The following MTREX variants were observed in gnomAD, a reference collection of about 807,000 sequenced individuals.
MTREX encodes Mtr4 exosome RNA helicase, also known as exosome RNA helicase MTR4.
Under a neutral mutation model 135.4 loss-of-function variants are expected in MTREX, and 76 were observed. The ratio of observed to expected loss-of-function variants is 0.56; its 90% CI spans 0.47 to 0.68. The LOEUF is 0.68. Among genes scored for constraint, MTREX ranks in the 30% least tolerant of loss-of-function variants. The pLI is 0.00. For synonymous variants in MTREX, 404 were observed against 401.6 expected (o/e 1.01, Z -0.07); for missense variants, 920 against 1,262.1 (o/e 0.73, Z 4.11).
chr5:55,311,947 A>C (rs981079796), intron 1 of MTREX, among the ~76,000 whole-genome samples: 1 of 152,168 alleles, frequency 6.6e-6, no homozygotes, highest in African/African-American at 2.4e-5. Flanking sequence ...GCTCTGATCT[A>C]GTGGCTTGAT....
chr5:55,398,617 T>A (rs898142873), intron 20 of MTREX, among the ~76,000 whole-genome samples: 7 of 152,248 alleles, frequency 4.6e-5, no homozygotes, highest in Admixed American at 1.3e-4. Context: ...CATTAATCAT[T>A]ATTAACTTAG....
At chr5:55,386,060 A>T (rs184865426) in intron 18 of MTREX, among the ~76,000 whole-genome samples, 25 of 152,338 alleles carry the variant, frequency 1.6e-4, no homozygotes, top group Non-Finnish European at 2.2e-4. Flanking sequence ...CTAGGTCAGA[A>T]TACAAATCCA....
chr5:55,338,786 CTTTTTTT>C (rs67612518), intron 5 of MTREX, among the ~76,000 whole-genome samples: 2 of 92,258 alleles, frequency 2.2e-5, no homozygotes, highest in Non-Finnish European at 4.1e-5. Flanking sequence ...CTTTCTTTTT[CTTTTTTT>C]TTTTTTTTTT....
intron 16 of MTREX, among the ~76,000 whole-genome samples, chr5:55,369,749 C>G (rs756563439): frequency 6.6e-6 from 1 of 152,068 alleles, no homozygotes; most frequent in African/African-American, 2.4e-5. Context: ...AAAATATAAC[C>G]GAAGTCAAGT....
At chr5:55,376,164 G>A (rs1750297806) in intron 16 of MTREX, among the ~76,000 whole-genome samples, 1 of 152,056 alleles carries the variant, frequency 6.6e-6, no homozygotes. Context: ...GAGCTTGAGG[G>A]GCTTCAAAAA....
chr5:55,391,159 G>A (rs1438389310), intron 19 of MTREX, among the ~76,000 whole-genome samples: 1 of 152,128 alleles, frequency 6.6e-6, no homozygotes, highest in East Asian at 1.9e-4. Flanking sequence ...AAATAAACAA[G>A]GCTGGGTATA....
At chr5:55,333,885 A>G (rs1266514091) in intron 5 of MTREX, among the ~76,000 whole-genome samples, 1 of 152,140 alleles carries the variant, frequency 6.6e-6, no homozygotes, top group East Asian at 1.9e-4. Flanking sequence ...AGGTACCTAA[A>G]CAAATCTTCA....
At chr5:55,337,843 A>G (rs1255362601) in intron 5 of MTREX, among the ~76,000 whole-genome samples, 1 of 151,804 alleles carries the variant, frequency 6.6e-6, no homozygotes, top group African/African-American at 2.4e-5. Flanking sequence ...TGTTTAACAA[A>G]TATCTTTTAG....
At chr5:55,377,245 T>G (rs1750319391) in intron 16 of MTREX, among the ~76,000 whole-genome samples, 1 of 152,060 alleles carries the variant, frequency 6.6e-6, no homozygotes, top group Non-Finnish European at 1.5e-5. Context: ...GAGAGTGGTG[T>G]GAACCCGGGA....
intron 6 of MTREX, among the ~76,000 whole-genome samples, chr5:55,341,333 T>C (rs1749645627): frequency 6.6e-6 from 1 of 152,184 alleles, no homozygotes; most frequent in South Asian, 2.1e-4. Flanking sequence ...GTATGAATCT[T>C]GGGACGGTGC....
chr5:55,374,148 C>G (rs1036526988), intron 16 of MTREX, among the ~76,000 whole-genome samples: 3 of 151,818 alleles, frequency 2.0e-5, no homozygotes, highest in South Asian at 4.2e-4. Flanking sequence ...ATTCCAGTTA[C>G]TCAGAAGGCT....
At chr5:55,362,083 A>ATT (rs35074192) in intron 15 of MTREX, among the ~76,000 whole-genome samples, 91 of 111,144 alleles carry the variant, frequency 8.2e-4, no homozygotes, top group African/African-American at 1.0e-3. Flanking sequence ...CGTCTGGCTA[A>ATT]TTTTTTTTTT....
chr5:55,421,322 G>A (rs1008852673), intron 25 of MTREX, among the ~76,000 whole-genome samples: 5 of 152,214 alleles, frequency 3.3e-5, no homozygotes, highest in Admixed American at 6.5e-5. Flanking sequence ...GTTTCAGGCA[G>A]CTCTGGACAG....
chr5:55,351,801 A>C (rs547032483), intron 13 of MTREX, among the ~76,000 whole-genome samples: 1 of 151,996 alleles, frequency 6.6e-6, no homozygotes, highest in Non-Finnish European at 1.5e-5. Context: ...AAAATGGGAA[A>C]CAACATCAAA....
Position 55,340,115 on chromosome 5 carries a change from A to C in MTREX, c.621A>C (p.Gln207His). 6.2e-7 allele frequency: 1 copy of C among 1,605,194 alleles called. No individual in the cohort carries two copies. Among genetic ancestry groups the C allele is most frequent in the East Asian group, 2.3e-5 (1 of 44,198 alleles). Residue 207 changes from glutamine (Q) to histidine (H), a missense_variant, in exon 6 of 27, where the codon CAA becomes CAC. Coordinates refer to ENST00000230640, the MANE Select transcript of MTREX (RefSeq NM_015360.5). Reference sequence around the variant, plus strand: ...ACCGTGAAATGTATGAAGAATTTCAAGATGTTGGTTTGATGACTGGTGATG... The same window carrying C: ...ACCGTGAAATGTATGAAGAATTTCACGATGTTGGTTTGATGACTGGTGATG... ...QKYREMYEEF[Q>H]DVGLMTGDVT...
intron 9 of MTREX, 23 bp downstream of exon 9, chr5:55,344,643 T>A: frequency 7.4e-7 from 1 of 1,342,880 alleles, no homozygotes; most frequent in South Asian, 1.2e-5. Flanking sequence ...TTGTCCTTTT[T>A]AAATCTATAA....
intron 1 of MTREX, among the ~76,000 whole-genome samples, chr5:55,318,027 A>AT (rs1285192003): frequency 1.3e-5 from 2 of 152,208 alleles, no homozygotes; most frequent in Admixed American, 6.5e-5. Context: ...AAAGCTCAGT[A>AT]TCACTGATCA....
intron 24 of MTREX, 112 bp downstream of exon 24, chr5:55,414,350 T>C (rs1579903163): frequency 1.2e-6 from 1 of 849,632 alleles, no homozygotes; most frequent in South Asian, 2.3e-5. Context: ...AGAGATAACC[T>C]ATAAGGATTA....
intron 25 of MTREX, among the ~76,000 whole-genome samples, chr5:55,422,227 G>C (rs1003261919): frequency 2.0e-5 from 3 of 152,110 alleles, no homozygotes; most frequent in Non-Finnish European, 4.4e-5. Context: ...TATGTTTATA[G>C]CTTCAGCTTT....
Sources: allele counts gnomAD v4.1 joint callset (sites outside exome capture counted in the v4.1 genomes callset), GRCh38; gene constraint gnomAD v4.1.1; transcripts MANE v1.5; gene names NCBI Gene and HGNC (gene_info 2026-07-23, HGNC 2026-07-21).